DSC1: variants seen among roughly 807,000 people sequenced by gnomAD.
The protein encoded by DSC1 is desmocollin-1.
In DSC1, 79 loss-of-function variants were observed where a neutral mutation model predicts 98.8. The ratio of observed to expected loss-of-function variants is 0.80; its 90% CI spans 0.67 to 0.96. The LOEUF is 0.96. DSC1 is among the 50% of genes least tolerant of loss of function. DSC1 has a pLI of 0.00. For missense variants in DSC1, 1,115 were observed against 1,075.9 expected (o/e 1.04, Z -0.51); for synonymous variants, 405 against 372.1 (o/e 1.09, Z -1.02).
chr18:31,152,556 C>T (rs1465916633), intron 5 of DSC1, among the ~76,000 whole-genome samples: 1 of 152,102 alleles, frequency 6.6e-6, no homozygotes, highest in Non-Finnish European at 1.5e-5. Flanking sequence ...GTTAAATCTA[C>T]CATTAGAATA....
In DSC1 at chr18:31,159,511, C is replaced by G; in HGVS notation, c.82G>C (p.Asp28His). The G allele has an allele frequency of 6.3e-7, 1 of 1,595,802 alleles. No homozygotes were observed. The highest frequency in any genetic ancestry group is 1.1e-5 in the South Asian group (1 of 89,992). ...FSLLVLTLLC[D>H]ACQKVYLRVP... ...CGAAGATAAACTTTCTGACAAGCAT[C>G]GCAAAGTAATGTTAAAACCTCAAAA... Residue 28 changes from aspartate (D) to histidine (H), a missense_variant, in exon 2 of 16, where the codon GAT becomes CAT. By Grantham distance (81) the Asp-to-His change is moderately conservative. Transcript: ENST00000257198.
At chr18:31,141,876 C>A in intron 9 of DSC1, 123 bp downstream of exon 9, 1 of 902,216 alleles carries the variant, frequency 1.1e-6, no homozygotes, top group Non-Finnish European at 1.6e-6. Context: ...TTATATAAAC[C>A]AATATAAATC....
Position 31,153,959 on chromosome 18 carries a change from T to C in DSC1, c.627+815A>G, listed in dbSNP as rs191735617. On this transcript the variant is annotated intron_variant, in intron 5 of 15. Coordinates refer to ENST00000257198, the MANE Select transcript of DSC1 (RefSeq NM_024421.2). ...CCAAGTATGAGATAAGTTTCATTTT[T>C]ATATTCTCCTTTAGCAAAGAACTTT... 1.2e-3 allele frequency among the ~76,000 whole-genome samples: 189 copies of C among 152,330 alleles called. 1 individual carries two copies. Among genetic ancestry groups the C allele is most frequent in the African/African-American group, 3.7e-3 (155 of 41,588 alleles).
At chr18:31,139,319 G>A (rs773182662) in intron 11 of DSC1, among the ~76,000 whole-genome samples, 4 of 152,012 alleles carry the variant, frequency 2.6e-5, no homozygotes, top group Non-Finnish European at 5.9e-5. Flanking sequence ...GAGAAGCTCA[G>A]AACAAACTTA....
intron 5 of DSC1, chr18:31,150,864 A>G (rs1190269330): frequency 6.6e-6 from 1 of 152,234 alleles, no homozygotes; most frequent in Non-Finnish European, 1.5e-5. Flanking sequence ...AGTACCTGAC[A>G]CAGTAACACA....
intron 5 of DSC1, among the ~76,000 whole-genome samples, chr18:31,150,420 T>TCATCATCA (rs1988973500): frequency 6.6e-5 from 1 of 15,076 alleles, no homozygotes. Flanking sequence ...ACATCATCAC[T>TCATCATCA]GCTACCACTA....
chr18:31,160,960 C>A, intron 1 of DSC1, among the ~76,000 whole-genome samples: 1 of 152,072 alleles, frequency 6.6e-6, no homozygotes, highest in East Asian at 1.9e-4. Context: ...CATCCTTGTG[C>A]AGACATCATA....
At position 31,139,902 on chromosome 18, in the gene DSC1, A is replaced by G. The variant is rs777747761; in HGVS notation, c.1521-12T>C. The G allele has an allele frequency of 6.3e-7, 1 of 1,591,470 alleles. No individual in the cohort carries two copies. Among genetic ancestry groups the G allele is most frequent in the Non-Finnish European group, 8.5e-7 (1 of 1,173,212 alleles). ...CTAACTTCTGATACCTAATTTTTAG[A>G]AATCAAATATGAACGGTCAAATCAA... is the stretch of plus-strand genomic sequence containing the variant. On this transcript the variant is annotated splice_polypyrimidine_tract_variant and intron_variant, in intron 10 of 15. Coordinates refer to ENST00000257198, the MANE Select transcript of DSC1 (RefSeq NM_024421.2).
intron 5 of DSC1, among the ~76,000 whole-genome samples, chr18:31,149,271 A>G (rs1021071732): frequency 7.9e-5 from 12 of 152,174 alleles, no homozygotes; most frequent in Admixed American, 6.5e-4. Flanking sequence ...TGTTCAGCAA[A>G]TAGTTGTTGA....
In DSC1 at chr18:31,154,804, G is replaced by GAT; in HGVS notation, c.596_597insAT (p.Ser199ArgfsTer31). The GAT allele has an allele frequency of 6.2e-7, 1 of 1,613,448 alleles. No homozygotes were observed. Among genetic ancestry groups the GAT allele is most frequent in the Non-Finnish European group, 8.5e-7 (1 of 1,179,714 alleles). On this transcript the variant is annotated frameshift_variant, in exon 5 of 16. Transcript: ENST00000257198. LOFTEE classifies it high-confidence loss of function. ...ACTGTTCATATTTCTCACGGTCAATGCTCCTTGTACAAAAGATATCCCCAG... is the reference window on the plus strand; with the variant it reads ...ACTGTTCATATTTCTCACGGTCAATGATCTCCTTGTACAAAAGATATCCCCAG...
At chr18:31,151,797 G>A (rs1989004742) in intron 5 of DSC1, among the ~76,000 whole-genome samples, 1 of 152,110 alleles carries the variant, frequency 6.6e-6, no homozygotes, top group African/African-American at 2.4e-5. Context: ...AAGCTGAGTG[G>A]GTACAGAATG....
chr18:31,134,718 A>G lies in DSC1; in HGVS notation c.1730T>C (p.Ile577Thr), dbSNP rs1321825602. 2 of 1,613,170 alleles carry G rather than the reference A, an allele frequency of 1.2e-6. No homozygotes were observed. Among genetic ancestry groups the G allele is most frequent in the Admixed American group, 3.3e-5 (2 of 59,848 alleles). Residue 577 changes from isoleucine (I) to threonine (T), a missense_variant, in exon 12 of 16, where the codon ATT becomes ACT. Transcript: ENST00000257198. ...LDDYNDHAPQIDKEVTICQNN... is the reference protein window; with the variant it reads ...LDDYNDHAPQTDKEVTICQNN... Reference sequence around the variant, plus strand: ...CTGACAAATGGTCACTTCTTTGTCAATTTGAGGTGCGTGATCGTTGTAATC... The same window carrying G: ...CTGACAAATGGTCACTTCTTTGTCAGTTTGAGGTGCGTGATCGTTGTAATC...
chr18:31,135,048 C>T (rs1007289075), intron 11 of DSC1, among the ~76,000 whole-genome samples: 1 of 152,138 alleles, frequency 6.6e-6, no homozygotes, highest in Non-Finnish European at 1.5e-5. Flanking sequence ...TACAGAATGA[C>T]CTGTTGAAAA....
chr18:31,160,915 G>A (rs894736921), intron 1 of DSC1, among the ~76,000 whole-genome samples: 4 of 151,790 alleles, frequency 2.6e-5, no homozygotes, highest in Admixed American at 6.6e-5. Context: ...GTCATATATT[G>A]CTTACATTCT....
At chr18:31,141,734 G>A (rs2254170) in intron 9 of DSC1, among the ~76,000 whole-genome samples, 105,285 of 152,030 alleles carry the variant, frequency 0.69, 36,715 homozygotes, top group East Asian at 0.8. Context: ...CCCTTCTAAA[G>A]CAAATATCTG....
intron 3 of DSC1, 58 bp from the exon 4 acceptor site, chr18:31,156,220 A>G: frequency 1.3e-6 from 2 of 1,583,156 alleles, no homozygotes; most frequent in Non-Finnish European, 1.7e-6. Context: ...TGGAACTGTG[A>G]TTATTTTACA....
intron 5 of DSC1, among the ~76,000 whole-genome samples, chr18:31,149,138 A>G (rs115197940): frequency 2.0e-5 from 3 of 152,218 alleles, no homozygotes; most frequent in Admixed American, 1.3e-4. Context: ...AAGCATATAC[A>G]TACCAGAAAT....
intron 7 of DSC1, among the ~76,000 whole-genome samples, 176 bp downstream of exon 7, chr18:31,145,435 A>G (rs909785000): frequency 6.6e-6 from 1 of 152,192 alleles, no homozygotes; most frequent in Admixed American, 6.5e-5. Context: ...TGTCTAATAT[A>G]TGGTACTTTC....
rs759122230 is a variant in DSC1, at chr18:31,162,571, T to C, written c.24A>G (p.Pro8=). The change falls in exon 1 of 16, where the codon CCA becomes CCG. Residue 8 remains proline, a synonymous_variant. Transcript: ENST00000257198. ...GGAGCTGCTTACAGAAGATGCTCCC[T>C]GGGGCAGCAGAGGCCAGAGCCATCA... MALASAA[P]GSIFCKQLLF... is the part of the protein sequence containing the mutation. The C allele has an allele frequency of 1.9e-6, 3 of 1,614,162 alleles. No homozygotes were observed. Among genetic ancestry groups the C allele is most frequent in the South Asian group, 1.1e-5 (1 of 91,076 alleles).
Sources: gnomAD v4.1 joint callset for allele counts (sites outside exome capture counted in the v4.1 genomes callset) on GRCh38, gnomAD v4.1.1 for gene constraint, MANE v1.5 for transcripts, NCBI Gene and HGNC (gene_info 2026-07-23, HGNC 2026-07-21) for gene names.